Variants in SPSB4 observed in about 807,000 individuals in gnomAD.
SPSB4 encodes the protein SPRY domain-containing SOCS box protein 4.
Under a neutral mutation model 20.9 loss-of-function variants are expected in SPSB4, and 21 were observed. That is an observed-to-expected ratio of 1.01 (90% CI 0.71 to 1.45). The LOEUF (loss-of-function observed/expected upper bound fraction) is 1.45. Among genes scored for constraint, SPSB4 ranks in the 40% most tolerant of loss-of-function variants. The probability of loss-of-function intolerance (pLI) is 0.00; values close to 1 mark genes in which losing one functional copy is unlikely to be tolerated. For missense variants in SPSB4, 399 were observed against 399.2 expected, an observed-to-expected ratio of 1.00 and a Z score of 0.00; for synonymous variants, 207 against 183.8, an observed-to-expected ratio of 1.13 and a Z score of -1.02.
chr3:141,078,196 T>A (rs1439997926), intron 2 of SPSB4, among the ~76,000 whole-genome samples: 2 of 152,220 alleles, frequency 1.3e-5, no homozygotes, highest in Non-Finnish European at 2.9e-5. Flanking sequence ...TGGAAGAGCT[T>A]GGCCCTTAGC....
rs376212296 is a variant in SPSB4 at position 141,066,608 on chromosome 3, C to G, written c.504C>G (p.Asp168Glu). ...GVAYPAFLGPDEAFALPDSLL... is the reference protein window; with the variant it reads ...GVAYPAFLGPEEAFALPDSLL... ...CCTACCCGGCCTTTCTGGGGCCCGA[C>G]GAGGCCTTTGCGCTGCCCGACTCGC... The change falls in exon 2 of 3, where the codon GAC becomes GAG. Residue 168 changes from aspartate to glutamate, a missense_variant. Physicochemically the swap from Asp to Glu is conservative, Grantham distance 45. Transcript: ENST00000310546. The G allele has an allele frequency of 2.5e-6, 4 of 1,592,452 alleles. No individual in the cohort carries two copies. The Admixed American group carries it at 5.2e-5, about 21-fold the overall frequency.
chr3:141,092,003 G>A (rs1938459276), intron 2 of SPSB4, among the ~76,000 whole-genome samples: 1 of 152,218 alleles, frequency 6.6e-6, no homozygotes, highest in Non-Finnish European at 1.5e-5. Flanking sequence ...AGTAGTCAGT[G>A]TAACATGGAA....
chr3:141,085,298 A>G (rs912098388), intron 2 of SPSB4, among the ~76,000 whole-genome samples: 1 of 152,172 alleles, frequency 6.6e-6, no homozygotes, highest in African/African-American at 2.4e-5. Flanking sequence ...GCCTAATACT[A>G]TGGGCTTAAA....
At chr3:141,056,599 T>C (rs1184386607) in intron 1 of SPSB4, among the ~76,000 whole-genome samples, 1 of 152,256 alleles carries the variant, frequency 6.6e-6, no homozygotes, top group African/African-American at 2.4e-5. Flanking sequence ...TTATACCAAG[T>C]GGAGAAGGTT....
intron 2 of SPSB4, among the ~76,000 whole-genome samples, chr3:141,082,395 A>C (rs1467829342): frequency 6.6e-6 from 1 of 152,030 alleles, no homozygotes; most frequent in African/African-American, 2.4e-5. Context: ...CTTATTGATG[A>C]TGGATTGTCT....
chr3:141,079,526 A>G (rs1259886476), intron 2 of SPSB4, among the ~76,000 whole-genome samples: 1 of 152,122 alleles, frequency 6.6e-6, no homozygotes, highest in Non-Finnish European at 1.5e-5. Flanking sequence ...CTGCTAGGTC[A>G]ATCGGCCAAG....
At chr3:141,054,622 A>T (rs1311658247) in intron 1 of SPSB4, among the ~76,000 whole-genome samples, 3 of 152,246 alleles carry the variant, frequency 2.0e-5, no homozygotes, top group African/African-American at 7.2e-5. Context: ...TTTCCTAAGC[A>T]GTGTTGATTG....
intron 2 of SPSB4, among the ~76,000 whole-genome samples, chr3:141,067,658 G>A (rs745648038): frequency 2.8e-4 from 43 of 152,286 alleles, no homozygotes; most frequent in Middle Eastern, 3.4e-3. Context: ...TTGGTTTTGG[G>A]AGGGAGTCAC....
intron 2 of SPSB4, among the ~76,000 whole-genome samples, chr3:141,082,122 G>GAAC (rs1168516791): frequency 6.6e-6 from 1 of 152,174 alleles, no homozygotes; most frequent in Non-Finnish European, 1.5e-5. Flanking sequence ...AAGAGTTGTT[G>GAAC]AACACATTCC....
intron 2 of SPSB4, among the ~76,000 whole-genome samples, chr3:141,093,744 C>T (rs1938502030): frequency 6.6e-6 from 1 of 152,236 alleles, no homozygotes; most frequent in African/African-American, 2.4e-5. Context: ...AGTTCAACCT[C>T]TGCAGCAGGC....
intron 1 of SPSB4, among the ~76,000 whole-genome samples, chr3:141,056,459 C>T (rs1203212010): frequency 1.3e-5 from 2 of 152,178 alleles, no homozygotes; most frequent in African/African-American, 4.8e-5. Flanking sequence ...TCAAAAATGC[C>T]CCCAGAGATA....
rs544569007 is a variant in SPSB4 at position 141,109,752 on chromosome 3, A to G, written c.695-37390A>G. Among the ~76,000 whole-genome samples the G allele has an allele frequency of 4.6e-5, 7 of 152,176 alleles. No individual in the cohort carries two copies. In the East Asian group the frequency reaches 1.4e-3, roughly 29 times the overall value. On this transcript the variant is annotated intron_variant, in intron 2 of 2. Transcript: ENST00000310546. ...ACCCTGGTCCCAGCAACTGGTCACC[A>G]TGGCAACAAGGGCCTTCCATCAAAA...
chr3:141,146,236 T>G (rs1939410267), intron 2 of SPSB4, among the ~76,000 whole-genome samples: 1 of 152,152 alleles, frequency 6.6e-6, no homozygotes, highest in African/African-American at 2.4e-5. Flanking sequence ...TGGTCCTATG[T>G]CCAGTGGTTC....
At chr3:141,116,011 T>C (rs893889070) in intron 2 of SPSB4, among the ~76,000 whole-genome samples, 1 of 152,160 alleles carries the variant, frequency 6.6e-6, no homozygotes, top group African/African-American at 2.4e-5. Flanking sequence ...ATAAACACAA[T>C]AAATCCATTA....
intron 2 of SPSB4, among the ~76,000 whole-genome samples, chr3:141,070,339 A>G (rs556195571): frequency 6.6e-6 from 1 of 151,766 alleles, no homozygotes; most frequent in Non-Finnish European, 1.5e-5. Context: ...TTGTTTGTTC[A>G]TTTGTTTTCT....
intron 2 of SPSB4, among the ~76,000 whole-genome samples, chr3:141,102,261 C>T (rs1254780428): frequency 2.0e-5 from 3 of 152,262 alleles, no homozygotes; most frequent in Non-Finnish European, 4.4e-5. Flanking sequence ...TGTGGCCAGG[C>T]CCTGTGCTAG....
intron 2 of SPSB4, among the ~76,000 whole-genome samples, chr3:141,140,492 C>T (rs1207777665): frequency 3.3e-5 from 5 of 152,218 alleles, no homozygotes; most frequent in East Asian, 1.9e-4. Flanking sequence ...ATGATGGTGA[C>T]GTACAGATGG....
intron 2 of SPSB4, among the ~76,000 whole-genome samples, chr3:141,110,298 C>T (rs1938775133): frequency 6.6e-6 from 1 of 152,192 alleles, no homozygotes; most frequent in Admixed American, 6.5e-5. Flanking sequence ...TTTCCATTAA[C>T]ATCTCATAGG....
At chr3:141,087,642 G>A (rs185239496) in intron 2 of SPSB4, among the ~76,000 whole-genome samples, 60 of 152,338 alleles carry the variant, frequency 3.9e-4, no homozygotes, top group African/African-American at 1.3e-3. Flanking sequence ...AGCCTCGGAA[G>A]GTCAAGTGGT....
Sources: gnomAD v4.1 joint callset for allele counts (sites outside exome capture counted in the v4.1 genomes callset) on GRCh38, gnomAD v4.1.1 for gene constraint, MANE v1.5 for transcripts, NCBI Gene and HGNC (gene_info 2026-07-23, HGNC 2026-07-21) for gene names.